RASAL1: variants seen among roughly 807,000 people sequenced by gnomAD.
RASAL1 encodes rasGAP-activating-like protein 1.
In RASAL1, 72 loss-of-function variants were observed where a neutral mutation model predicts 96.6. That is an observed-to-expected ratio of 0.75 (90% confidence interval 0.62 to 0.91). The LOEUF (loss-of-function observed/expected upper bound fraction) is 0.91. Among genes scored for constraint, RASAL1 ranks in the 40% least tolerant of loss-of-function variants. RASAL1 has a pLI of 0.00. For synonymous variants in RASAL1, 405 were observed against 430.4 expected (o/e 0.94, Z 0.73); for missense variants, 1,016 against 1,072.5 (o/e 0.95, Z 0.74).
At chr12:113,114,638 T>C (rs1029153835) in intron 12 of RASAL1, among the ~76,000 whole-genome samples, 162 bp downstream of exon 12, 3 of 152,080 alleles carry the variant, frequency 2.0e-5, no homozygotes, top group Non-Finnish European at 4.4e-5. Flanking sequence ...CACAGCCTGA[T>C]GGTTTAAGGG....
At chr12:113,105,542 T>C (rs897911047) in intron 16 of RASAL1, among the ~76,000 whole-genome samples, 172 bp downstream of exon 16, 2 of 152,270 alleles carry the variant, frequency 1.3e-5, no homozygotes, top group Non-Finnish European at 2.9e-5. Context: ...TGTGCCCACA[T>C]TGGCCTGAAC....
At chr12:113,102,565 C>A (rs910388905) in intron 18 of RASAL1, among the ~76,000 whole-genome samples, 9 of 151,984 alleles carry the variant, frequency 5.9e-5, no homozygotes, top group Non-Finnish European at 1.3e-4. Context: ...CTCACACACA[C>A]ACAAAAATAT....
chr12:113,113,045 A>G (rs1277325035), intron 12 of RASAL1, among the ~76,000 whole-genome samples: 1 of 152,128 alleles, frequency 6.6e-6, no homozygotes, highest in Non-Finnish European at 1.5e-5. Flanking sequence ...TTTGTTCCCT[A>G]CTGTATCGTC....
intron 18 of RASAL1, chr12:113,103,159 TAAC>T (rs1208325946): frequency 5.5e-5 from 9 of 164,580 alleles, no homozygotes; most frequent in Non-Finnish European, 9.3e-5. Flanking sequence ...ACATTGTTAA[TAAC>T]AATGTCATTA....
At chr12:113,109,617 A>C (rs1950792887) in intron 13 of RASAL1, among the ~76,000 whole-genome samples, 1 of 152,212 alleles carries the variant, frequency 6.6e-6, no homozygotes, top group South Asian at 2.1e-4. Flanking sequence ...ATTTAGCCTG[A>C]GAGTCTGCGC....
intron 4 of RASAL1, among the ~76,000 whole-genome samples, chr12:113,124,824 A>C (rs950946931): frequency 6.6e-6 from 1 of 152,266 alleles, no homozygotes; most frequent in Non-Finnish European, 1.5e-5. Flanking sequence ...ATTCCCACTG[A>C]GGGAAATAAT....
At position 113,135,314 on chromosome 12, in the gene RASAL1, C is replaced by T; in HGVS notation, c.65+84G>A. 4 of 1,350,328 alleles carry T rather than the reference C, an allele frequency of 3.0e-6. No homozygotes were observed. Among genetic ancestry groups the T allele is most frequent in the Non-Finnish European group, 4.1e-6 (4 of 972,864 alleles). 83.6% of individuals were successfully genotyped at this position (1,350,328 alleles called of 1,614,324 possible). A position where few individuals can be genotyped will look rare whatever the true frequency, so the allele number is the denominator to read the frequency against. On this transcript the variant is annotated intron_variant, in intron 1 of 20. Coordinates refer to ENST00000548055, the MANE Select transcript of RASAL1 (RefSeq NM_001301202.2). The surrounding 1 kb of genome is among the most constrained non-coding windows in gnomAD (Gnocchi z 5.7). ...AGAACCCCTCGCCCTCCTGCCAACC[C>T]GCCCTGGCACGCGGAAAGGGCGACG...
chr12:113,126,465 G>A (rs377291042), intron 4 of RASAL1, among the ~76,000 whole-genome samples: 2 of 152,034 alleles, frequency 1.3e-5, no homozygotes, highest in African/African-American at 4.8e-5. Context: ...TGGATCACTT[G>A]AGGCCAAGAG....
chr12:113,108,668 A>G (rs950380630), intron 13 of RASAL1, among the ~76,000 whole-genome samples: 2 of 152,092 alleles, frequency 1.3e-5, no homozygotes, highest in East Asian at 1.9e-4. Context: ...CTCTCTATAC[A>G]TTCGCTTATT....
At chr12:113,100,128 C>T (rs564867708) in intron 20 of RASAL1, 60 bp from the exon 21 acceptor site, 13 of 1,487,180 alleles carry the variant, frequency 8.7e-6, no homozygotes, top group Admixed American at 4.8e-5. Flanking sequence ...TGCTGTAACC[C>T]GGACCCAATG....
intron 12 of RASAL1, 81 bp from the exon 13 acceptor site, chr12:113,112,359 C>T (rs1950901094): frequency 7.2e-6 from 8 of 1,117,308 alleles, no homozygotes; most frequent in African/African-American, 3.2e-5. Flanking sequence ...CGCTGAGCTC[C>T]GAGAGGACTC....
At position 113,130,939 on chromosome 12, in the gene RASAL1, G is replaced by C; in HGVS notation, c.68C>G (p.Ser23Cys). ...TAGGCAGTAGGGGTCGCTGCTCCCA[G>C]ACCTGCAGAAGGAGGGAGTTCAGGG... is the stretch of plus-strand genomic sequence containing the variant. ...EGRALPAKDV[S>C]GSSDPYCLVK... The change falls in exon 2 of 21, where the codon TCT (serine) becomes TGT (cysteine). Residue 23 changes from serine to cysteine, a missense_variant and splice_region_variant. By Grantham distance (112) the Ser-to-Cys change is moderately radical. Transcript: ENST00000548055. This position sits in a 1 kb window ranked among gnomAD's most constrained non-coding sequence, Gnocchi z 5.1. 6 of 1,613,292 alleles carry C rather than the reference G, an allele frequency of 3.7e-6. No homozygotes were observed. Among genetic ancestry groups the C allele is most frequent in the Non-Finnish European group, 5.1e-6 (6 of 1,179,690 alleles).
intron 12 of RASAL1, among the ~76,000 whole-genome samples, chr12:113,114,306 C>G (rs964486005): frequency 9.2e-5 from 14 of 151,644 alleles, no homozygotes; most frequent in Non-Finnish European, 1.5e-4. Context: ...AACCCTGTCT[C>G]TGCTAAAAAT....
intron 1 of RASAL1, among the ~76,000 whole-genome samples, chr12:113,133,958 C>T (rs1315623937): frequency 2.0e-5 from 3 of 152,230 alleles, no homozygotes; most frequent in Non-Finnish European, 2.9e-5. Context: ...TGACACCCAT[C>T]GCCCCCTCAT....
chr12:113,121,726 AT>A (rs368508759), intron 4 of RASAL1, 88 bp from the exon 5 acceptor site: 193,690 of 1,069,316 alleles, frequency 0.18, 6 homozygotes, highest in South Asian at 0.25. Context: ...CATTATTTTC[AT>A]TTTTTTTTTT....
chr12:113,124,262 A>G (rs1263255523), intron 4 of RASAL1, among the ~76,000 whole-genome samples: 2 of 150,534 alleles, frequency 1.3e-5, no homozygotes, highest in African/African-American at 4.9e-5. Context: ...CCAACAATGT[A>G]TTAGGAACCC....
chr12:113,135,004 C>G lies in RASAL1; in HGVS notation c.65+394G>C, dbSNP rs1240442003. On this transcript the variant is annotated intron_variant, in intron 1 of 20. Coordinates refer to ENST00000548055, the MANE Select transcript of RASAL1 (RefSeq NM_001301202.2). The surrounding 1 kb of genome is among the most constrained non-coding windows in gnomAD (Gnocchi z 5.7). Reference sequence around the variant, plus strand: ...CCTCCCCAGGGTTCCCTTGCTAGGCCCCCACCCACGCCTGGAGGAGCCACC... The same window carrying G: ...CCTCCCCAGGGTTCCCTTGCTAGGCGCCCACCCACGCCTGGAGGAGCCACC... Among the ~76,000 whole-genome samples the G allele has an allele frequency of 1.3e-5, 2 of 152,046 alleles. No individual in the cohort carries two copies. The highest frequency in any genetic ancestry group is 2.9e-5 in the Non-Finnish European group (2 of 67,964).
Position 113,115,664 on chromosome 12 carries a change from T to C in RASAL1, c.974A>G (p.Tyr325Cys). The change falls in exon 10 of 21, where the codon TAT becomes TGT. Residue 325 changes from tyrosine to cysteine, a missense_variant. By Grantham distance (194) the Tyr-to-Cys change is radical (BLOSUM62 -2). Coordinates refer to ENST00000548055, the MANE Select transcript of RASAL1 (RefSeq NM_001301202.2). This position sits in a 1 kb window ranked among gnomAD's most constrained non-coding sequence, Gnocchi z 4.1. The stretch of plus-strand genomic sequence containing the variant: ...CCGAGCCACCTCACGCCGGGTGAGA[T>C]AGTCCAGAAAGCGCCCAGCCAGTCC... The part of the protein sequence containing the change: ...GRGLAGRFLD[Y>C]LTRREVARTM... 6.2e-7 allele frequency: 1 copy of C among 1,613,772 alleles called. No individual in the cohort carries two copies. The highest frequency in any genetic ancestry group is 8.5e-7 in the Non-Finnish European group (1 of 1,180,022).
chr12:113,127,871 TGCCTGCAGGAAG>T lies in RASAL1; in HGVS notation c.237-10_238del. On this transcript the variant is annotated splice_acceptor_variant and splice_polypyrimidine_tract_variant and coding_sequence_variant and intron_variant, in exon 4 of 21. Transcript: ENST00000548055. LOFTEE classifies it high-confidence loss of function. ...CGAGATCTTGCCGATGATGTCGTCGTGCCTGCAGGAAGGCGGGCACGTGAAGGTCTGAGTCAG... is the reference window on the plus strand; with the variant it reads ...CGAGATCTTGCCGATGATGTCGTCGTGCGGGCACGTGAAGGTCTGAGTCAG... The T allele has an allele frequency of 6.2e-7, 1 of 1,613,286 alleles. No individual in the cohort carries two copies. Among genetic ancestry groups the T allele is most frequent in the Non-Finnish European group, 8.5e-7 (1 of 1,179,352 alleles).
Sources: gnomAD v4.1 joint callset for allele counts (sites outside exome capture counted in the v4.1 genomes callset) on GRCh38, gnomAD v4.1.1 for gene constraint, Gnocchi (gnomAD v3.1) non-coding constraint, MANE v1.5 for transcripts, NCBI Gene and HGNC (gene_info 2026-07-23, HGNC 2026-07-21) for gene names.